Variants in NDFIP1 observed in about 807,000 individuals in gnomAD.
NDFIP1 encodes NEDD4 family-interacting protein 1.
Under a neutral mutation model 28.8 loss-of-function variants are expected in NDFIP1, and 7 were observed. The ratio of observed to expected loss-of-function variants is 0.24; its 90% CI spans 0.14 to 0.46. The LOEUF (loss-of-function observed/expected upper bound fraction) is 0.46, where lower values mean the gene tolerates loss of function less well. NDFIP1 is among the 20% of genes least tolerant of loss of function. The pLI, the probability that NDFIP1 is intolerant of heterozygous loss-of-function variation, is 0.99. For synonymous variants in NDFIP1, 92 were observed against 101.0 expected (o/e 0.91, Z 0.53); for missense variants, 194 against 269.1 (o/e 0.72, Z 1.95).
Position 142,144,691 on chromosome 5 carries a change from A to T in NDFIP1, c.*2+15A>T, listed in dbSNP as rs1263003644. 5 of 1,500,162 alleles carry T rather than the reference A, an allele frequency of 3.3e-6. No homozygotes were observed. Among genetic ancestry groups the T allele is most frequent in the Non-Finnish European group, 4.6e-6 (5 of 1,085,818 alleles). 92.9% of individuals were successfully genotyped at this position (1,500,162 alleles called of 1,614,324 possible). A position where few individuals can be genotyped will look rare whatever the true frequency, so the allele number is the denominator to read the frequency against. On this transcript the variant is annotated intron_variant, in intron 7 of 7. Transcript: ENST00000253814. ...ATTTATTAAAGGTATTAAAGAAAAA[A>T]TTTATTCTAGTCCCAGTGTAACCAT... is the stretch of plus-strand genomic sequence containing the variant.
intron 7 of NDFIP1, among the ~76,000 whole-genome samples, chr5:142,147,896 C>A (rs1343023097): frequency 2.0e-5 from 3 of 152,102 alleles, no homozygotes; most frequent in Non-Finnish European, 4.4e-5. Flanking sequence ...AGAGTTTATG[C>A]AAGTAGAAAG....
At chr5:142,111,816 C>T (rs1757017093) in intron 1 of NDFIP1, among the ~76,000 whole-genome samples, 2 of 152,202 alleles carry the variant, frequency 1.3e-5, no homozygotes, top group Admixed American at 1.3e-4. Flanking sequence ...CCTGTAATCA[C>T]AGCACTTTGG....
At chr5:142,127,498 C>T (rs1757182639) in intron 1 of NDFIP1, among the ~76,000 whole-genome samples, 1 of 152,086 alleles carries the variant, frequency 6.6e-6, no homozygotes, top group East Asian at 1.9e-4. Flanking sequence ...TAATGGCACA[C>T]TCTGGGTGTG....
intron 6 of NDFIP1, 26 bp from the exon 7 acceptor site, chr5:142,144,545 T>C (rs1043982156): frequency 6.6e-7 from 1 of 1,520,520 alleles, no homozygotes; most frequent in African/African-American, 1.4e-5. Flanking sequence ...TATAAATTCA[T>C]TCATGACTTT....
intron 1 of NDFIP1, among the ~76,000 whole-genome samples, chr5:142,120,673 TAGTG>T (rs1179255556): frequency 2.0e-5 from 3 of 152,240 alleles, no homozygotes; most frequent in Non-Finnish European, 2.9e-5. Context: ...CTTGCAGACT[TAGTG>T]AGGCCAAAAA....
At chr5:142,146,991 C>G (rs1199381752) in intron 7 of NDFIP1, among the ~76,000 whole-genome samples, 1 of 152,086 alleles carries the variant, frequency 6.6e-6, no homozygotes, top group Non-Finnish European at 1.5e-5. Context: ...AAGGGAGATT[C>G]AAGTGTTGAG....
intron 1 of NDFIP1, among the ~76,000 whole-genome samples, chr5:142,121,472 C>G (rs1561599120): frequency 6.6e-6 from 1 of 152,158 alleles, no homozygotes; most frequent in Non-Finnish European, 1.5e-5. Context: ...AATAATAAAT[C>G]AGAGACCTGT....
intron 1 of NDFIP1, among the ~76,000 whole-genome samples, chr5:142,126,807 G>A (rs1351680456): frequency 1.3e-5 from 2 of 152,000 alleles, no homozygotes; most frequent in Admixed American, 1.3e-4. Context: ...AAGCTTTCTT[G>A]CTGATTGGGA....
At chr5:142,117,728 CTT>C (rs10699168) in intron 1 of NDFIP1, among the ~76,000 whole-genome samples, 7 of 116,092 alleles carry the variant, frequency 6.0e-5, no homozygotes, top group Admixed American at 9.5e-5. Context: ...GTTCTACAGG[CTT>C]TTTTTTTTTT....
intron 1 of NDFIP1, among the ~76,000 whole-genome samples, chr5:142,124,410 A>C (rs1269422619): frequency 6.6e-6 from 1 of 152,156 alleles, no homozygotes; most frequent in African/African-American, 2.4e-5. Flanking sequence ...AAAACCATAA[A>C]ATTGATGATC....
chr5:142,127,267 C>CA (rs1670356241), intron 1 of NDFIP1, among the ~76,000 whole-genome samples: 1 of 152,186 alleles, frequency 6.6e-6, no homozygotes, highest in African/African-American at 2.4e-5. Context: ...CCGCCCACCT[C>CA]AGCCTCCCAA....
At chr5:142,123,374 T>A (rs943470176) in intron 1 of NDFIP1, among the ~76,000 whole-genome samples, 2 of 152,222 alleles carry the variant, frequency 1.3e-5, no homozygotes, top group African/African-American at 2.4e-5. Context: ...GCTCAAGCAG[T>A]CCTTCCACCT....
intron 1 of NDFIP1, among the ~76,000 whole-genome samples, chr5:142,119,770 A>G (rs1411198206): frequency 6.6e-6 from 1 of 152,216 alleles, no homozygotes; most frequent in Non-Finnish European, 1.5e-5. Flanking sequence ...GGTTGCAAGA[A>G]TAGTATAACA....
intron 1 of NDFIP1, among the ~76,000 whole-genome samples, chr5:142,119,525 A>G (rs935206812): frequency 6.6e-6 from 1 of 152,216 alleles, no homozygotes; most frequent in East Asian, 1.9e-4. Context: ...CCAGCCACCT[A>G]AGTGGATTTT....
intron 5 of NDFIP1, among the ~76,000 whole-genome samples, chr5:142,139,907 A>T (rs141642711): frequency 5.3e-5 from 8 of 152,320 alleles, no homozygotes; most frequent in African/African-American, 1.9e-4. Context: ...AAGTAAAACG[A>T]TCATTATTGA....
At chr5:142,110,837 A>G (rs1757007304) in intron 1 of NDFIP1, among the ~76,000 whole-genome samples, 1 of 142,284 alleles carries the variant, frequency 7.0e-6, no homozygotes, top group Admixed American at 7.3e-5. Context: ...CAATCACAGT[A>G]TTAAGTAATT....
At chr5:142,128,246 T>C (rs936519270) in intron 1 of NDFIP1, among the ~76,000 whole-genome samples, 2 of 152,148 alleles carry the variant, frequency 1.3e-5, no homozygotes, top group African/African-American at 4.8e-5. Context: ...TTTCCAACTC[T>C]AACCCAAACG....
intron 6 of NDFIP1, chr5:142,143,874 A>G (rs1757360527): frequency 6.6e-6 from 1 of 152,082 alleles, no homozygotes; most frequent in Non-Finnish European, 1.5e-5. Flanking sequence ...TGAACCTGTT[A>G]TCTTAGCTAC....
chr5:142,154,044 A>G lies in NDFIP1; in HGVS notation c.*2316A>G, dbSNP rs1310586313. On this transcript the variant is annotated 3_prime_UTR_variant, in exon 8 of 8. Coordinates refer to ENST00000253814, the MANE Select transcript of NDFIP1 (RefSeq NM_030571.4). ...TTGAGGCACATGAAGTGGGCACCAT[A>G]TATCATCTAGAGTCCTTACTGGTAT... The G allele has an allele frequency of 6.6e-6, 1 of 152,458 alleles. No individual in the cohort carries two copies. The highest frequency in any genetic ancestry group is 2.4e-5 in the African/African-American group (1 of 41,462). The allele number at this position is 152,458 out of a possible 1,614,324, so 9.4% of individuals were successfully genotyped here.
Sources: gnomAD v4.1 joint callset for allele counts (sites outside exome capture counted in the v4.1 genomes callset) on GRCh38, gnomAD v4.1.1 for gene constraint, MANE v1.5 for transcripts, NCBI Gene and HGNC (gene_info 2026-07-23, HGNC 2026-07-21) for gene names.